The following ENPP3 variants were observed in gnomAD, a reference collection of about 807,000 sequenced individuals.
ENPP3 encodes the protein ectonucleotide pyrophosphatase/phosphodiesterase 3.
Under a neutral mutation model 117.8 loss-of-function variants are expected in ENPP3, and 104 were observed. The observed-to-expected ratio is 0.88, with a 90% CI of 0.75 to 1.04. The LOEUF (loss-of-function observed/expected upper bound fraction) is 1.04. ENPP3 is among the 50% of genes least tolerant of loss of function. The pLI is 0.00. For missense variants in ENPP3, 1,026 were observed against 1,051.9 expected, an observed-to-expected ratio of 0.98 and a Z score of 0.34; for synonymous variants, 380 against 349.9, an observed-to-expected ratio of 1.09 and a Z score of -0.96.
intron 15 of ENPP3, among the ~76,000 whole-genome samples, chr6:131,706,878 A>ATG (rs1338880272): frequency 6.6e-6 from 1 of 151,822 alleles, no homozygotes; most frequent in Non-Finnish European, 1.5e-5. Context: ...ATATGTATAT[A>ATG]TGTGTGTGTG....
intron 21 of ENPP3, among the ~76,000 whole-genome samples, chr6:131,736,488 T>C (rs1460900705): frequency 6.6e-6 from 1 of 152,060 alleles, no homozygotes; most frequent in Non-Finnish European, 1.5e-5. Context: ...TTATTCACTA[T>C]CACGTGAACG....
At chr6:131,684,682 T>C (rs1779111338) in intron 12 of ENPP3, among the ~76,000 whole-genome samples, 1 of 138,386 alleles carries the variant, frequency 7.2e-6, no homozygotes. Flanking sequence ...AGACTCTGTC[T>C]CAAAAAAAAA....
intron 11 of ENPP3, among the ~76,000 whole-genome samples, chr6:131,680,031 T>C (rs768570371): frequency 1.2e-3 from 187 of 152,186 alleles, no homozygotes; most frequent in Non-Finnish European, 1.4e-3. Flanking sequence ...ATAAGAAGCA[T>C]TGAAGCATTG....
rs573947059 is a variant in ENPP3 at position 131,637,851 on chromosome 6, T to G, written c.78+389T>G. ...AACCAACAATTGTATCCTATTTTAC[T>G]TCACTCCTAGAGATAGTCTCTTTTG... On this transcript the variant is annotated intron_variant, in intron 1 of 24. Coordinates refer to ENST00000357639, the MANE Select transcript of ENPP3 (RefSeq NM_005021.5). Among the ~76,000 whole-genome samples the G allele has an allele frequency of 4.6e-5, 7 of 152,276 alleles. No homozygotes were observed. The South Asian group carries it at 1.5e-3, about 32-fold the overall frequency.
At chr6:131,722,142 A>G in intron 17 of ENPP3, 85 bp from the exon 18 acceptor site, 1 of 869,194 alleles carries the variant, frequency 1.2e-6, no homozygotes, top group Non-Finnish European at 1.8e-6. Flanking sequence ...GTGAAAGAGT[A>G]GGTGTTTGTT....
At chr6:131,638,078 G>A (rs1424679947) in intron 1 of ENPP3, among the ~76,000 whole-genome samples, 1 of 151,016 alleles carries the variant, frequency 6.6e-6, no homozygotes, top group East Asian at 1.9e-4. Context: ...AAACTTTTGG[G>A]GTAAAGAGGG....
intron 7 of ENPP3, among the ~76,000 whole-genome samples, chr6:131,672,021 A>T (rs1232697421): frequency 2.0e-5 from 3 of 152,206 alleles, no homozygotes; most frequent in Non-Finnish European, 4.4e-5. Flanking sequence ...TAACCCCCAC[A>T]CAAATGTATG....
chr6:131,701,405 C>A (rs1187401241), intron 15 of ENPP3: 2 of 1,612,518 alleles, frequency 1.2e-6, no homozygotes, highest in Admixed American at 1.7e-5. Flanking sequence ...CTCCCATATC[C>A]CTATGACAGA....
At chr6:131,650,704 G>A (rs745934800) in intron 3 of ENPP3, among the ~76,000 whole-genome samples, 4 of 152,126 alleles carry the variant, frequency 2.6e-5, no homozygotes, top group Non-Finnish European at 5.9e-5. Context: ...AAGAGAATCC[G>A]CTCCATGCCT....
At chr6:131,642,394 C>T (rs1044103168) in intron 2 of ENPP3, among the ~76,000 whole-genome samples, 1 of 152,032 alleles carries the variant, frequency 6.6e-6, no homozygotes, top group African/African-American at 2.4e-5. Context: ...AGAAATATGT[C>T]CCAAAATATA....
At chr6:131,688,581 G>C (rs370922511) in intron 14 of ENPP3, among the ~76,000 whole-genome samples, 4 of 152,268 alleles carry the variant, frequency 2.6e-5, no homozygotes. Context: ...TTGCTGACAT[G>C]GAGAAAGTTT....
chr6:131,725,493 T>G (rs1427449410), intron 19 of ENPP3, among the ~76,000 whole-genome samples: 2 of 151,758 alleles, frequency 1.3e-5, no homozygotes, highest in Admixed American at 6.6e-5. Flanking sequence ...CTCATGGGGG[T>G]CTTATATCAT....
At chr6:131,653,032 T>C in intron 5 of ENPP3, 141 bp downstream of exon 5, 1 of 520,900 alleles carries the variant, frequency 1.9e-6, no homozygotes, top group Non-Finnish European at 3.4e-6. Flanking sequence ...ATTAGATTTC[T>C]TGTGGCTTCC....
chr6:131,669,695 A>G (rs1437344072), intron 6 of ENPP3, among the ~76,000 whole-genome samples: 1 of 138,354 alleles, frequency 7.2e-6, no homozygotes, highest in Non-Finnish European at 1.5e-5. Context: ...AAAGAAGGAA[A>G]AGTAGATTTT....
intron 18 of ENPP3, among the ~76,000 whole-genome samples, chr6:131,723,588 C>T (rs1464586446): frequency 2.0e-5 from 3 of 152,116 alleles, no homozygotes; most frequent in African/African-American, 4.8e-5. Context: ...GGTCTCAGGA[C>T]CACCATCTGC....
chr6:131,646,995 T>C (rs1369464604), intron 2 of ENPP3, among the ~76,000 whole-genome samples: 1 of 145,690 alleles, frequency 6.9e-6, no homozygotes, highest in East Asian at 2.1e-4. Flanking sequence ...TTTTTTTGCC[T>C]CTTGAGTAGC....
intron 15 of ENPP3, chr6:131,710,105 C>T: frequency 6.2e-7 from 1 of 1,613,926 alleles, no homozygotes; most frequent in Admixed American, 1.7e-5. Flanking sequence ...TCTAAGTTAG[C>T]ACCATTTTCC....
intron 13 of ENPP3, 62 bp from the exon 14 acceptor site, chr6:131,685,814 C>T (rs1276626468): frequency 2.8e-6 from 2 of 721,398 alleles, no homozygotes; most frequent in Admixed American, 2.1e-5. Context: ...GAGTGGTTCA[C>T]ATTCTTTGCA....
At chr6:131,702,225 CA>C (rs1457774518) in intron 15 of ENPP3, among the ~76,000 whole-genome samples, 1 of 151,946 alleles carries the variant, frequency 6.6e-6, no homozygotes, top group African/African-American at 2.4e-5. Context: ...CTTAAAACCA[CA>C]TTAAGTTTAA....
Sources: gnomAD v4.1 joint callset for allele counts (sites outside exome capture counted in the v4.1 genomes callset) on GRCh38, gnomAD v4.1.1 for gene constraint, MANE v1.5 for transcripts, NCBI Gene and HGNC (gene_info 2026-07-23, HGNC 2026-07-21) for gene names.